The following CCM2 variants were observed in gnomAD, a reference collection of about 807,000 sequenced individuals.
CCM2 encodes cerebral cavernous malformations 2 protein.
A neutral mutation model predicts 44.9 loss-of-function variants in CCM2; 25 were observed. The observed-to-expected ratio is 0.56, with a 90% CI of 0.41 to 0.78. The LOEUF is 0.78. Among genes scored for constraint, CCM2 ranks in the 30% least tolerant of loss-of-function variants. The pLI is 0.00. For synonymous variants in CCM2, 219 were observed against 241.1 expected (o/e 0.91, Z 0.85); for missense variants, 481 against 580.6 (o/e 0.83, Z 1.76).
intron 1 of CCM2, among the ~76,000 whole-genome samples, chr7:45,006,606 AG>A (rs1376975835): frequency 6.6e-6 from 1 of 152,194 alleles, no homozygotes; most frequent in Non-Finnish European, 1.5e-5. Context: ...GGCCTCCCAA[AG>A]TGCTGGGATT....
chr7:45,009,367 G>A (rs1216953331), intron 1 of CCM2, among the ~76,000 whole-genome samples: 4 of 145,112 alleles, frequency 2.8e-5, no homozygotes, highest in Non-Finnish European at 6.0e-5. Context: ...GTGAATACTT[G>A]CACCTAGATT....
intron 8 of CCM2, chr7:45,073,930 T>C: frequency 1.9e-6 from 1 of 517,972 alleles, no homozygotes; most frequent in East Asian, 3.4e-5. Context: ...CTTCCTGATT[T>C]GCCTGTGTGC....
At chr7:45,034,655 A>G (rs1797130559) in intron 1 of CCM2, among the ~76,000 whole-genome samples, 1 of 147,682 alleles carries the variant, frequency 6.8e-6, no homozygotes, top group Non-Finnish European at 1.5e-5. Context: ...AGTAGCTGGG[A>G]TTACAGGCGC....
intron 1 of CCM2, among the ~76,000 whole-genome samples, chr7:45,032,900 G>T (rs1007919305): frequency 2.2e-4 from 33 of 151,992 alleles, no homozygotes; most frequent in Admixed American, 2.0e-3. Context: ...AATTAGCCAG[G>T]CATGGTGGTG....
chr7:45,000,447 T>C, intron 1 of CCM2, 84 bp downstream of exon 1: 1 of 44,870 alleles, frequency 2.2e-5, no homozygotes, highest in Non-Finnish European at 3.6e-5. Flanking sequence ...GGGTGTTCCT[T>C]GGGGCCCGGG....
intron 2 of CCM2, among the ~76,000 whole-genome samples, chr7:45,055,123 C>A (rs958810917): frequency 1.3e-5 from 2 of 152,130 alleles, no homozygotes; most frequent in Non-Finnish European, 2.9e-5. Context: ...TTGGATAACA[C>A]CAAAGAAAAG....
chr7:45,002,005 C>T (rs562024263), intron 1 of CCM2, among the ~76,000 whole-genome samples: 15 of 152,252 alleles, frequency 9.9e-5, no homozygotes, highest in Admixed American at 2.0e-4. Context: ...AGACAAGGAG[C>T]TTTGGGGCAT....
intron 4 of CCM2, chr7:45,068,236 C>A: frequency 1.6e-6 from 1 of 639,332 alleles, no homozygotes; most frequent in Non-Finnish European, 2.8e-6. Context: ...CTCTGGTGCC[C>A]TTGGAGCTCA....
Position 45,075,841 on chromosome 7 carries a change from C to CG in CCM2, c.1120dup (p.Val374GlyfsTer10). On this transcript the variant is annotated frameshift_variant, in exon 10 of 10. Transcript: ENST00000258781. LOFTEE classifies it high-confidence loss of function. The stretch of plus-strand genomic sequence containing the variant: ...TCGAGAACTTCCTGGAGACCATTGG[C>CG]GTGAAGGATGGCCGCGGCATCATCA... The CG allele has an allele frequency of 6.2e-7, 1 of 1,613,738 alleles. No homozygotes were observed. Among genetic ancestry groups the CG allele is most frequent in the Non-Finnish European group, 8.5e-7 (1 of 1,180,022 alleles).
In CCM2 at chr7:45,004,842, C is replaced by T. The variant is rs368420658; in HGVS notation, c.30+4479C>T. On this transcript the variant is annotated intron_variant, in intron 1 of 9. Transcript: ENST00000258781. ...TGAAACCCCATCTCTACTAAAAATA[C>T]AAAAATTAGCTGAGCGTGGTGGTGG... Among the ~76,000 whole-genome samples, 44 of 152,064 alleles carry T rather than the reference C, an allele frequency of 2.9e-4. No homozygotes were observed. The South Asian group carries it at 3.9e-3, about 14-fold the overall frequency.
At position 45,074,634 on chromosome 7, in the gene CCM2, CCTT is replaced by C. The variant is rs532261504; in HGVS notation, c.1054+228_1054+230del. ...GTACTGTTGGGGGCCCACCGACAGG[CCTT>C]CATTCTCCTGGGAACTCAAGCTGAG... On this transcript the variant is annotated intron_variant, in intron 9 of 9. Transcript: ENST00000258781. 2.7e-3 allele frequency among the ~76,000 whole-genome samples: 409 copies of C among 152,260 alleles called. 1 individual carries two copies. Among genetic ancestry groups the C allele is most frequent in the Non-Finnish European group, 4.8e-3 (326 of 68,002 alleles).
At chr7:45,056,490 G>C (rs796901548) in intron 2 of CCM2, among the ~76,000 whole-genome samples, 1 of 152,066 alleles carries the variant, frequency 6.6e-6, no homozygotes, top group Non-Finnish European at 1.5e-5. Context: ...CCCCACCCCC[G>C]TCACTATTAA....
chr7:45,024,039 G>A (rs1006887552), intron 1 of CCM2, among the ~76,000 whole-genome samples: 6 of 151,964 alleles, frequency 3.9e-5, no homozygotes, highest in South Asian at 2.1e-4. Context: ...TCGAATTCCC[G>A]ACATCAGGTG....
chr7:45,054,243 T>C (rs1798145157), intron 2 of CCM2, among the ~76,000 whole-genome samples: 1 of 152,108 alleles, frequency 6.6e-6, no homozygotes, highest in African/African-American at 2.4e-5. Flanking sequence ...CTATGTGTTA[T>C]ATTCAAGCAA....
intron 2 of CCM2, among the ~76,000 whole-genome samples, chr7:45,055,600 A>G (rs1798219983): frequency 6.6e-6 from 1 of 152,150 alleles, no homozygotes; most frequent in Non-Finnish European, 1.5e-5. Context: ...GAGGCAGATA[A>G]CTGCTTGAAC....
intron 1 of CCM2, among the ~76,000 whole-genome samples, chr7:45,035,362 T>C (rs775488158): frequency 6.6e-5 from 10 of 152,186 alleles, no homozygotes; most frequent in Non-Finnish European, 1.0e-4. Context: ...TGGCTCCAAC[T>C]GTTACCAACT....
intron 1 of CCM2, among the ~76,000 whole-genome samples, chr7:45,005,310 A>T (rs183935095): frequency 6.6e-6 from 1 of 152,352 alleles, no homozygotes; most frequent in East Asian, 1.9e-4. Flanking sequence ...GTTAATTTTC[A>T]ACATATTGTC....
chr7:45,031,537 C>G (rs1796971008), intron 1 of CCM2, among the ~76,000 whole-genome samples: 1 of 151,894 alleles, frequency 6.6e-6, no homozygotes, highest in Non-Finnish European at 1.5e-5. Flanking sequence ...TGCCACCACG[C>G]TCAGCTTTTT....
chr7:45,072,721 T>TA lies in CCM2; in HGVS notation c.746-4dup. 1.2e-6 allele frequency: 2 copies of TA among 1,611,488 alleles called. No homozygotes were observed. Among genetic ancestry groups the TA allele is most frequent in the Non-Finnish European group, 1.7e-6 (2 of 1,178,144 alleles). On this transcript the variant is annotated splice_polypyrimidine_tract_variant and splice_region_variant and intron_variant, in intron 6 of 9. Coordinates refer to ENST00000258781, the MANE Select transcript of CCM2 (RefSeq NM_031443.4). ...TCATCTTAGTTTTCTGCATCTTCCT[T>TA]ACAGATGACTCTTCTACAAAAGTGG...
Sources: allele counts gnomAD v4.1 joint callset (sites outside exome capture counted in the v4.1 genomes callset), GRCh38; gene constraint gnomAD v4.1.1; transcripts MANE v1.5; gene names NCBI Gene and HGNC (gene_info 2026-07-23, HGNC 2026-07-21).